Variants in SIK3 observed in about 807,000 individuals in gnomAD.
SIK3 encodes SIK family kinase 3, also known as serine/threonine-protein kinase SIK3.
Under a neutral mutation model 144.2 loss-of-function variants are expected in SIK3, and 28 were observed. The ratio of observed to expected loss-of-function variants is 0.19; its 90% confidence interval spans 0.14 to 0.27. The LOEUF is 0.27. Ranked by LOEUF, SIK3 falls within the 10% of genes least tolerant of loss-of-function variation. The pLI, the probability that SIK3 is intolerant of heterozygous loss-of-function variation, is 1.00. For missense variants in SIK3, 1,319 were observed against 1,776.0 expected, an observed-to-expected ratio of 0.74 and a Z score of 4.62; for synonymous variants, 686 against 676.3, an observed-to-expected ratio of 1.01 and a Z score of -0.22.
chr11:116,915,981 G>A (rs568363047), intron 4 of SIK3, among the ~76,000 whole-genome samples: 8 of 152,224 alleles, frequency 5.3e-5, no homozygotes, highest in Non-Finnish European at 8.8e-5. Flanking sequence ...AGGTAGACTC[G>A]ATTTATACTC....
At chr11:116,934,672 T>C (rs1947806740) in intron 3 of SIK3, among the ~76,000 whole-genome samples, 1 of 152,248 alleles carries the variant, frequency 6.6e-6, no homozygotes, top group Admixed American at 6.5e-5. Context: ...CTATGATGGA[T>C]ACTTAATAAT....
chr11:117,045,344 G>A (rs144018203), intron 1 of SIK3, among the ~76,000 whole-genome samples: 1 of 152,156 alleles, frequency 6.6e-6, no homozygotes, highest in African/African-American at 2.4e-5. Flanking sequence ...GTTTCAGAAT[G>A]TAAGCCTCAT....
chr11:117,038,447 C>T (rs1209459752), intron 1 of SIK3, among the ~76,000 whole-genome samples: 1 of 151,538 alleles, frequency 6.6e-6, no homozygotes, highest in Non-Finnish European at 1.5e-5. Context: ...GCCTCTGCCT[C>T]CCAGGTTCAA....
intron 1 of SIK3, among the ~76,000 whole-genome samples, chr11:117,075,908 GCAC>G (rs1954507895): frequency 8.2e-6 from 1 of 122,506 alleles, no homozygotes; most frequent in Non-Finnish European, 1.6e-5. Context: ...GGAGTGCAAT[GCAC>G]GATCTCGGCT....
chr11:116,930,968 G>C (rs1341090387), intron 3 of SIK3, among the ~76,000 whole-genome samples: 1 of 151,818 alleles, frequency 6.6e-6, no homozygotes, highest in Non-Finnish European at 1.5e-5. Flanking sequence ...GGTGACTCTC[G>C]GTTAAAAGGA....
At chr11:116,921,939 T>C (rs1947002880) in intron 4 of SIK3, among the ~76,000 whole-genome samples, 1 of 151,962 alleles carries the variant, frequency 6.6e-6, no homozygotes, top group Non-Finnish European at 1.5e-5. Context: ...TTTTTTTTTT[T>C]CAGTAGACAA....
intron 3 of SIK3, among the ~76,000 whole-genome samples, chr11:116,940,230 T>G (rs925022168): frequency 6.7e-6 from 1 of 148,872 alleles, no homozygotes; most frequent in Non-Finnish European, 1.5e-5. Context: ...AAGGTTTTTT[T>G]GTTTTTTTTT....
chr11:117,094,615 T>C (rs755348985), intron 1 of SIK3, among the ~76,000 whole-genome samples: 1 of 151,696 alleles, frequency 6.6e-6, no homozygotes, highest in Non-Finnish European at 1.5e-5. Context: ...CCCAATATTT[T>C]AAAAAAGGAA....
intron 13 of SIK3, among the ~76,000 whole-genome samples, chr11:116,871,171 C>G (rs1943950746): frequency 6.6e-6 from 1 of 152,212 alleles, no homozygotes. Context: ...ACTTTCCCAT[C>G]TGCATCCTTG....
intron 1 of SIK3, among the ~76,000 whole-genome samples, chr11:117,031,898 T>C (rs893108888): frequency 3.3e-5 from 5 of 152,054 alleles, no homozygotes; most frequent in African/African-American, 4.8e-5. Flanking sequence ...GTGAATGTTA[T>C]ACAACTTTGT....
At chr11:117,002,689 T>A (rs1176311755) in intron 1 of SIK3, among the ~76,000 whole-genome samples, 1 of 152,248 alleles carries the variant, frequency 6.6e-6, no homozygotes, top group Admixed American at 6.5e-5. Flanking sequence ...ACATTTTAAC[T>A]TAAAACAGTA....
intron 1 of SIK3, among the ~76,000 whole-genome samples, chr11:116,979,647 G>A (rs1950072507): frequency 6.6e-6 from 1 of 152,138 alleles, no homozygotes; most frequent in Non-Finnish European, 1.5e-5. Context: ...AGGAGTTCAA[G>A]ACCAGACTGA....
At chr11:116,898,178 T>A (rs1945526500) in intron 4 of SIK3, among the ~76,000 whole-genome samples, 1 of 149,286 alleles carries the variant, frequency 6.7e-6, no homozygotes, top group African/African-American at 2.5e-5. Flanking sequence ...CCTGTGTCCA[T>A]GTGTTCTCAT....
intron 1 of SIK3, among the ~76,000 whole-genome samples, chr11:117,096,654 C>T (rs1200170965): frequency 6.6e-6 from 1 of 152,104 alleles, no homozygotes; most frequent in Non-Finnish European, 1.5e-5. Flanking sequence ...CTGAAGAGGG[C>T]CCTCCAGAGG....
At position 116,874,056 on chromosome 11, in the gene SIK3, G is replaced by A. The variant is rs1292896369; in HGVS notation, c.1428C>T (p.Arg476=). 6.2e-7 allele frequency: 1 copy of A among 1,613,198 alleles called. No homozygotes were observed. The highest frequency in any genetic ancestry group is 8.5e-7 in the Non-Finnish European group (1 of 1,179,768). ...RRHTVGVADP[R]TEVMEDLQKL... ...TCTGCAGATCTTCCATAACTTCCGT[G>A]CTGATACAAAACAGAATGACAGAGA... Residue 476 remains arginine, a splice_region_variant and synonymous_variant, in exon 12 of 25, where the codon CGC becomes CGT. Coordinates refer to ENST00000445177, the MANE Select transcript of SIK3 (RefSeq NM_001366686.3).
intron 3 of SIK3, among the ~76,000 whole-genome samples, chr11:116,943,525 T>G (rs1948425387): frequency 6.6e-6 from 1 of 152,214 alleles, no homozygotes; most frequent in Non-Finnish European, 1.5e-5. Flanking sequence ...GCCATATGTT[T>G]GGGCAGCTGG....
rs1396528394 is a variant in SIK3 at position 116,872,988 on chromosome 11, C to A, written c.1737+493G>T. 2.6e-5 allele frequency among the ~76,000 whole-genome samples: 4 copies of A among 152,322 alleles called. No homozygotes were observed. The East Asian group carries it at 7.7e-4, about 29-fold the overall frequency. ...GGACATGTGACTAAGATAACTGACT[C>A]GGCTAAAGCTGTGGGAGCAAATCAT... On this transcript the variant is annotated intron_variant, in intron 13 of 24. Coordinates refer to ENST00000445177, the MANE Select transcript of SIK3 (RefSeq NM_001366686.3).
In SIK3 at chr11:116,858,396, G is replaced by C. The variant is rs770320712; in HGVS notation, c.3069C>G (p.Pro1023=). ...CCGAGTGGCCGGTGAGCGAATGCCG[G>C]GGAGAAAGCAGTCCTTGAAGGATGT... ...VPHILQGLLS[P]RHSLTGHSDI... The change falls in exon 21 of 25, where the codon CCC becomes CCG. Residue 1023 remains proline (P), a synonymous_variant. Coordinates refer to ENST00000445177, the MANE Select transcript of SIK3 (RefSeq NM_001366686.3). The surrounding 1 kb of genome is among the most constrained non-coding windows in gnomAD (Gnocchi z 5.4). The C allele has an allele frequency of 6.2e-7, 1 of 1,613,412 alleles. No homozygotes were observed. Among genetic ancestry groups the C allele is most frequent in the Admixed American group, 1.7e-5 (1 of 59,914 alleles).
At chr11:117,037,616 C>T (rs1952568067) in intron 1 of SIK3, among the ~76,000 whole-genome samples, 1 of 152,178 alleles carries the variant, frequency 6.6e-6, no homozygotes, top group Non-Finnish European at 1.5e-5. Context: ...AGACTCCTGT[C>T]TTCATTGTCC....
Sources: allele counts gnomAD v4.1 joint callset (sites outside exome capture counted in the v4.1 genomes callset), GRCh38; gene constraint gnomAD v4.1.1; non-coding constraint Gnocchi (gnomAD v3.1); transcripts MANE v1.5; gene names NCBI Gene and HGNC (gene_info 2026-07-23, HGNC 2026-07-21).